The following NCAPG2 variants were observed in gnomAD, a reference collection of about 807,000 sequenced individuals.
NCAPG2 encodes condensin-2 complex subunit G2.
Under a neutral mutation model 141.1 loss-of-function variants are expected in NCAPG2, and 53 were observed. That is an observed-to-expected ratio of 0.38 (90% CI 0.30 to 0.47). The LOEUF is 0.47. NCAPG2 is among the 20% of genes least tolerant of loss of function. The pLI, the probability that NCAPG2 is intolerant of heterozygous loss-of-function variation, is 0.99. For synonymous variants in NCAPG2, 499 were observed against 490.7 expected (o/e 1.02, Z -0.22); for missense variants, 1,087 against 1,389.0 (o/e 0.78, Z 3.46).
chr7:158,667,240 T>C, intron 13 of NCAPG2: 1 of 984,596 alleles, frequency 1.0e-6, no homozygotes, highest in Non-Finnish European at 1.2e-6. Flanking sequence ...GCGCCCAAAC[T>C]TCCTGGTGGG....
intron 23 of NCAPG2, among the ~76,000 whole-genome samples, chr7:158,651,867 C>T (rs1170043840): frequency 6.6e-6 from 1 of 152,196 alleles, no homozygotes; most frequent in African/African-American, 2.4e-5. Flanking sequence ...TGCCACTCTA[C>T]AAGTATCAAA....
chr7:158,661,712 G>T (rs974559175), intron 16 of NCAPG2, among the ~76,000 whole-genome samples: 1 of 152,054 alleles, frequency 6.6e-6, no homozygotes, highest in Non-Finnish European at 1.5e-5. Flanking sequence ...TACAACTTTT[G>T]TCAATTCAAA....
chr7:158,698,177 G>A (rs1041463005), intron 2 of NCAPG2, among the ~76,000 whole-genome samples: 2 of 152,150 alleles, frequency 1.3e-5, no homozygotes, highest in African/African-American at 4.8e-5. Context: ...TTTAAGCTAA[G>A]TGTTATTATA....
chr7:158,682,331 C>T (rs1345583332), intron 9 of NCAPG2, among the ~76,000 whole-genome samples: 1 of 149,776 alleles, frequency 6.7e-6, no homozygotes, highest in Non-Finnish European at 1.5e-5. Flanking sequence ...AATAAAGCCA[C>T]ACTGGGATGG....
intron 17 of NCAPG2, among the ~76,000 whole-genome samples, chr7:158,657,875 A>G (rs1023177050): frequency 3.3e-5 from 5 of 151,974 alleles, no homozygotes; most frequent in Admixed American, 6.6e-5. Flanking sequence ...GCTCTCTGAA[A>G]CATGTGCTGT....
At chr7:158,676,068 G>A (rs559396372) in intron 11 of NCAPG2, among the ~76,000 whole-genome samples, 8 of 152,280 alleles carry the variant, frequency 5.3e-5, no homozygotes, top group East Asian at 1.9e-4. Context: ...GGCCATGATC[G>A]TCAGTGGTAC....
intron 16 of NCAPG2, among the ~76,000 whole-genome samples, chr7:158,659,594 A>G (rs1035714524): frequency 1.3e-5 from 2 of 152,254 alleles, no homozygotes; most frequent in Non-Finnish European, 2.9e-5. Flanking sequence ...TACTAAAACA[A>G]TAAGTAAAAG....
At chr7:158,637,096 C>G (rs532215062) in intron 27 of NCAPG2, among the ~76,000 whole-genome samples, 1 of 151,936 alleles carries the variant, frequency 6.6e-6, no homozygotes, top group Non-Finnish European at 1.5e-5. Flanking sequence ...TACAGGCGCC[C>G]GCCACCATGC....
rs372917365 is a variant in NCAPG2 at position 158,678,677 on chromosome 7, G to A, written c.1146+1283C>T. Among the ~76,000 whole-genome samples, 28 of 148,986 alleles carry A rather than the reference G, an allele frequency of 1.9e-4. No homozygotes were observed. In the East Asian group the frequency reaches 5.5e-3, roughly 29 times the overall value. On this transcript the variant is annotated intron_variant, in intron 11 of 27. Transcript: ENST00000356309. Reference sequence around the variant, plus strand: ...GACTCCAGGCTGGGAGACAGAGCACGACTCTGTCTCTAAAATAAAATAAAA... The same window carrying A: ...GACTCCAGGCTGGGAGACAGAGCACAACTCTGTCTCTAAAATAAAATAAAA...
At chr7:158,640,052 CAA>C (rs58368997) in intron 27 of NCAPG2, 987 of 98,290 alleles carry the variant, frequency 0.01, 5 homozygotes, top group Middle Eastern at 0.031. Context: ...GAATAAATGC[CAA>C]AAAAAAAAAA....
In NCAPG2 at chr7:158,645,632, C is replaced by T; in HGVS notation, c.3180-13G>A. Reference sequence around the variant, plus strand: ...ATCCAAAAATGACCTGCAAAAAAATCAACAAACATCAAAATTACTGTATCA... The same window carrying T: ...ATCCAAAAATGACCTGCAAAAAAATTAACAAACATCAAAATTACTGTATCA... On this transcript the variant is annotated splice_polypyrimidine_tract_variant and intron_variant, in intron 25 of 27. Coordinates refer to ENST00000356309, the MANE Select transcript of NCAPG2 (RefSeq NM_017760.7). The T allele has an allele frequency of 6.2e-7, 1 of 1,604,826 alleles. No homozygotes were observed. The highest frequency in any genetic ancestry group is 8.5e-7 in the Non-Finnish European group (1 of 1,171,668).
At chr7:158,644,099 A>G (rs1447834639) in intron 27 of NCAPG2, among the ~76,000 whole-genome samples, 190 bp downstream of exon 27, 1 of 152,248 alleles carries the variant, frequency 6.6e-6, no homozygotes, top group Non-Finnish European at 1.5e-5. Flanking sequence ...TTTGTTTTTG[A>G]AGACAGAATT....
chr7:158,636,151 A>G lies in NCAPG2; in HGVS notation c.3381-4434T>C, dbSNP rs115679854. On this transcript the variant is annotated intron_variant, in intron 27 of 27. Transcript: ENST00000356309. ...GGGATGGCATGCAGGTGAATAATGG[A>G]GAAACAAAACGCTCCATCCCCAGTG... Among the ~76,000 whole-genome samples the G allele has an allele frequency of 5.2e-3, 799 of 152,260 alleles. 11 individuals are homozygous for G. Among genetic ancestry groups the G allele is most frequent in the African/African-American group, 0.018 (768 of 41,546 alleles).
At chr7:158,660,217 A>G (rs1342956692) in intron 16 of NCAPG2, among the ~76,000 whole-genome samples, 2 of 151,964 alleles carry the variant, frequency 1.3e-5, no homozygotes, top group Non-Finnish European at 2.9e-5. Context: ...AATTTTCCTT[A>G]GTGGTGGAGA....
At chr7:158,700,672 C>G (rs1289796619) in intron 2 of NCAPG2, among the ~76,000 whole-genome samples, 1 of 152,164 alleles carries the variant, frequency 6.6e-6, no homozygotes, top group East Asian at 1.9e-4. Context: ...AATACCAAAA[C>G]ATGTTATAAG....
rs1467795481 is a variant in NCAPG2 at position 158,667,405 on chromosome 7, C to CG, written c.1480-2656_1480-2655insC. 2.4e-4 allele frequency among the ~76,000 whole-genome samples: 11 copies of CG among 46,438 alleles called. 1 individual carries two copies. The highest frequency in any genetic ancestry group is 8.1e-4 in the Admixed American group (4 of 4,918). 30.5% of individuals were successfully genotyped at this position (46,438 alleles called of 152,430 possible). On this transcript the variant is annotated intron_variant, in intron 13 of 27. Transcript: ENST00000356309. The stretch of plus-strand genomic sequence containing the variant: ...TTACCCACTACTGGGTCCCTCCGCC[C>CG]TCCTTACCCACTACTGGGTCCCTCC...
intron 19 of NCAPG2, among the ~76,000 whole-genome samples, chr7:158,655,855 T>C (rs533394397): frequency 7.9e-4 from 110 of 139,322 alleles, no homozygotes; most frequent in Non-Finnish European, 3.5e-4. Flanking sequence ...ACGGCCTCCG[T>C]GGGACAGCTG....
intron 15 of NCAPG2, 143 bp downstream of exon 15, chr7:158,664,041 G>A (rs1196385326): frequency 1.5e-6 from 1 of 682,652 alleles, no homozygotes; most frequent in Non-Finnish European, 2.5e-6. Flanking sequence ...TTTCACAAAT[G>A]TTATTTATGA....
chr7:158,641,040 T>C (rs4909245), intron 27 of NCAPG2: 84,669 of 151,614 alleles, frequency 0.56, 24,160 homozygotes, highest in Non-Finnish European at 0.61. Context: ...TAGTTATAAA[T>C]GAAAACTCCA....
Sources: allele counts gnomAD v4.1 joint callset (sites outside exome capture counted in the v4.1 genomes callset), GRCh38; gene constraint gnomAD v4.1.1; transcripts MANE v1.5; gene names NCBI Gene and HGNC (gene_info 2026-07-23, HGNC 2026-07-21).